Variants in EVC2 observed in about 807,000 individuals in gnomAD.
EVC2 encodes EvC ciliary complex subunit 2.
In EVC2, 148 loss-of-function variants were observed where a neutral mutation model predicts 149.3. The observed-to-expected ratio is 0.99, with a 90% CI of 0.87 to 1.14. The LOEUF (loss-of-function observed/expected upper bound fraction) is 1.14, where lower values mean the gene tolerates loss of function less well. EVC2 is among the 50% of genes most tolerant of loss of function. The pLI is 0.00. For synonymous variants in EVC2, 776 were observed against 649.9 expected, an observed-to-expected ratio of 1.19 and a Z score of -2.95; for missense variants, 1,854 against 1,627.3, an observed-to-expected ratio of 1.14 and a Z score of -2.40.
At chr4:5,539,840 C>T (rs1577084773), downstream of EVC2, among the ~76,000 whole-genome samples, 1 of 147,084 alleles carries the variant, frequency 6.8e-6, no homozygotes, top group Non-Finnish European at 1.5e-5. Flanking sequence ...ATTTCTTAGA[C>T]ACCAAAGCAA....
rs200157468 is a variant in EVC2, at chr4:5,562,833, G to A, written c.*15C>T. 3.7e-6 allele frequency: 6 copies of A among 1,613,432 alleles called. No individual in the cohort carries two copies. The highest frequency in any genetic ancestry group is 5.1e-6 in the Non-Finnish European group (6 of 1,180,042). ...CCTTCTCTCTTCAGATGCTCCCGCA[G>A]GTCTTTCCCTTGGGCTAGTCCATGC... On this transcript the variant is annotated 3_prime_UTR_variant, in exon 22 of 22. Coordinates refer to ENST00000344408, the MANE Select transcript of EVC2 (RefSeq NM_147127.5). This position sits in a 1 kb window ranked among gnomAD's most constrained non-coding sequence, Gnocchi z 4.3.
rs1722906470 is a variant in EVC2 at position 5,576,120 on chromosome 4, G to A, written c.3272+120C>T. ...GCAGCTCGTGTTGGAGCAATGGGATGACACCTTAGGCAAGAGGGTGAGAGC... is the reference window on the plus strand; with the variant it reads ...GCAGCTCGTGTTGGAGCAATGGGATAACACCTTAGGCAAGAGGGTGAGAGC... On this transcript the variant is annotated intron_variant, in intron 18 of 21. Coordinates refer to ENST00000344408, the MANE Select transcript of EVC2 (RefSeq NM_147127.5). The surrounding 1 kb of genome is among the most constrained non-coding windows in gnomAD (Gnocchi z 4.5). 2.0e-6 allele frequency: 3 copies of A among 1,529,406 alleles called. No homozygotes were observed. Among genetic ancestry groups the A allele is most frequent in the South Asian group, 2.3e-5 (2 of 87,664 alleles). 94.7% of individuals were successfully genotyped at this position (1,529,406 alleles called of 1,614,324 possible).
intron 19 of EVC2, among the ~76,000 whole-genome samples, chr4:5,570,452 A>G (rs576347606): frequency 1.3e-5 from 2 of 152,326 alleles, no homozygotes; most frequent in African/African-American, 4.8e-5. Context: ...CACAAAAAGC[A>G]TTCACATGGG....
chr4:5,654,821 A>G (rs1718400306), intron 9 of EVC2, among the ~76,000 whole-genome samples: 1 of 152,168 alleles, frequency 6.6e-6, no homozygotes, highest in Non-Finnish European at 1.5e-5. Flanking sequence ...AGCAGTTGGG[A>G]ACAGAGTGAG....
In EVC2 at chr4:5,613,653, C is replaced by T. The variant is rs1715022732; in HGVS notation, c.2829+1769G>A. On this transcript the variant is annotated intron_variant, in intron 16 of 21. Transcript: ENST00000344408. The surrounding 1 kb of genome is among the most constrained non-coding windows in gnomAD (Gnocchi z 4.6). Reference sequence around the variant, plus strand: ...CCCCCCACAAGGAACCCCCTAGTGACACTGTGATTGCTTGATGGAGTTTGT... The same window carrying T: ...CCCCCCACAAGGAACCCCCTAGTGATACTGTGATTGCTTGATGGAGTTTGT... Among the ~76,000 whole-genome samples the T allele has an allele frequency of 6.7e-6, 1 of 150,172 alleles. No individual in the cohort carries two copies. The highest frequency in any genetic ancestry group is 1.5e-5 in the Non-Finnish European group (1 of 67,954).
rs570806400 is a variant in EVC2 at position 5,670,595 on chromosome 4, A to C, written c.871-4946T>G. ...ACCACCATCACTATCAACATCATCA[A>C]TATCACCATCACCATCATCTTCACC... is the stretch of plus-strand genomic sequence containing the variant. On this transcript the variant is annotated intron_variant, in intron 7 of 21. Coordinates refer to ENST00000344408, the MANE Select transcript of EVC2 (RefSeq NM_147127.5). The surrounding 1 kb of genome is among the most constrained non-coding windows in gnomAD (Gnocchi z 5.2). Among the ~76,000 whole-genome samples the C allele has an allele frequency of 1.3e-5, 2 of 150,246 alleles. No homozygotes were observed. The highest frequency in any genetic ancestry group is 4.9e-5 in the African/African-American group (2 of 40,704).
At position 5,548,807 on chromosome 4, in the gene EVC2, T is replaced by C. The variant is rs1251025367; in HGVS notation, c.3420-5595A>G. Among the ~76,000 whole-genome samples the C allele has an allele frequency of 2.6e-5, 4 of 152,162 alleles. No homozygotes were observed. The East Asian group carries it at 7.7e-4, about 29-fold the overall frequency. ...GATTCATTTACACAAATTTGGAAGC[T>C]ACAGAAGGCACAAAGGAAAAATAAA... On this transcript the variant is annotated intron_variant and NMD_transcript_variant, in intron 21 of 22. Coordinates refer to the EVC2 transcript ENST00000475313.
chr4:5,661,413 C>T (rs897172810), intron 9 of EVC2, among the ~76,000 whole-genome samples: 3 of 152,148 alleles, frequency 2.0e-5, no homozygotes, highest in African/African-American at 7.2e-5. Context: ...GTCTTCTCAA[C>T]TTCCTATACA....
In EVC2 at chr4:5,640,547, T is replaced by C. The variant is rs13131655; in HGVS notation, c.1437A>G (p.Glu479=). 328,405 of 1,613,854 alleles carry C rather than the reference T, an allele frequency of 0.2. 38,314 individuals carry two copies. The highest frequency in any genetic ancestry group is 0.48 in the African/African-American group (36,078 of 74,872). ...CAGCACGTTTCAGCAACTCTTCTGC[T>C]TCCTCCATTGCCATCATCTCTCTCT... ...QYQREMMAME[E]AEELLKRAGE... is the part of the protein sequence containing the mutation. Residue 479 remains glutamate, a synonymous_variant, in exon 10 of 22, where the codon GAA becomes GAG. Transcript: ENST00000344408. The surrounding 1 kb of genome is among the most constrained non-coding windows in gnomAD (Gnocchi z 4.6).
In EVC2 at chr4:5,622,965, C is replaced by G. The variant is rs765197478; in HGVS notation, c.2073G>C (p.Ala691=). Reference sequence around the variant, plus strand: ...CCGTTCGGAAGGCCTCGCCGACGGACGCCTGCTCCCTACGCTGCTCCCTGT... The same window carrying G: ...CCGTTCGGAAGGCCTCGCCGACGGAGGCCTGCTCCCTACGCTGCTCCCTGT... ...QKHREQRREQ[A]SVGEAFRTVE... The change falls in exon 14 of 22, where the codon GCG becomes GCC. Residue 691 remains alanine, a synonymous_variant. Transcript: ENST00000344408. This position sits in a 1 kb window ranked among gnomAD's most constrained non-coding sequence, Gnocchi z 5.8. 6.2e-7 allele frequency: 1 copy of G among 1,614,076 alleles called. No homozygotes were observed.
intron 13 of EVC2, among the ~76,000 whole-genome samples, chr4:5,624,100 G>C (rs1288895579): frequency 6.6e-6 from 1 of 152,174 alleles, no homozygotes; most frequent in Non-Finnish European, 1.5e-5. Context: ...TGAGACCTAA[G>C]GAAGGAGGTC....
Position 5,706,353 on chromosome 4 carries a change from G to C in EVC2, c.228+1933C>G, listed in dbSNP as rs200810721. ...AGATAGATAGATACATAGATAGATA[G>C]ACACATAGATAGATACATAGATAGA... On this transcript the variant is annotated intron_variant, in intron 1 of 21. Coordinates refer to ENST00000344408, the MANE Select transcript of EVC2 (RefSeq NM_147127.5). 3.5e-4 allele frequency among the ~76,000 whole-genome samples: 5 copies of C among 14,118 alleles called. 1 individual carries two copies. The highest frequency in any genetic ancestry group is 4.6e-3 in the South Asian group (2 of 432). 9.3% of individuals were successfully genotyped at this position (14,118 alleles called of 152,430 possible). A position where few individuals can be genotyped will look rare whatever the true frequency, so the allele number is the denominator to read the frequency against.
the EVC2 span, among the ~76,000 whole-genome samples, chr4:5,536,991 AAC>A: frequency 6.6e-6 from 1 of 152,212 alleles, no homozygotes; most frequent in Non-Finnish European, 1.5e-5. Context: ...ACTGTCAACA[AAC>A]ACATAGTAAT....
chr4:5,619,413 C>G (rs1324368191), intron 14 of EVC2, among the ~76,000 whole-genome samples: 1 of 152,046 alleles, frequency 6.6e-6, no homozygotes, highest in Non-Finnish European at 1.5e-5. Context: ...GACATGGAGG[C>G]AGAGATTGGG....
Position 5,565,331 on chromosome 4 carries a change from C to A in EVC2, c.3586G>T (p.Asp1196Tyr). The change falls in exon 21 of 22, where the codon GAT (aspartate) becomes TAT (tyrosine). Residue 1196 changes from aspartate to tyrosine, a missense_variant. By Grantham distance (160) the Asp-to-Tyr change is radical. Coordinates refer to ENST00000344408, the MANE Select transcript of EVC2 (RefSeq NM_147127.5). The stretch of plus-strand genomic sequence containing the variant: ...ATCAGATCTCCTCGCAGTTTGCCAT[C>A]TAAGGCTTGCCACCAGCTCTGGTGT... ...RKHQSWWQAL[D>Y]GKLRGDLISR... 6.2e-7 allele frequency: 1 copy of A among 1,614,120 alleles called. No homozygotes were observed. Among genetic ancestry groups the A allele is most frequent in the Non-Finnish European group, 8.5e-7 (1 of 1,180,010 alleles).
At chr4:5,606,155 A>G (rs1008397339) in intron 16 of EVC2, among the ~76,000 whole-genome samples, 1 of 152,208 alleles carries the variant, frequency 6.6e-6, no homozygotes, top group Admixed American at 6.5e-5. Flanking sequence ...ATTTTACTTC[A>G]AAACATCTGA....
chr4:5,561,290 T>C (rs1269321217), downstream of EVC2, among the ~76,000 whole-genome samples: 2 of 152,118 alleles, frequency 1.3e-5, no homozygotes, highest in East Asian at 3.9e-4. Context: ...TGGAGCAGGA[T>C]TTGAACTCCA....
intron 16 of EVC2, among the ~76,000 whole-genome samples, chr4:5,611,643 C>G (rs750405721): frequency 6.6e-6 from 1 of 151,700 alleles, no homozygotes; most frequent in Non-Finnish European, 1.5e-5. Context: ...ATATAAAGCA[C>G]TGAAAATGTC....
At position 5,625,989 on chromosome 4, in the gene EVC2, T is replaced by A. The variant is rs1412148404; in HGVS notation, c.1887-81A>T. Reference sequence around the variant, plus strand: ...AACTGCTATTGTGCCTGAACATTCATCTCCATATTAGTTTGGTTTGAATCA... The same window carrying A: ...AACTGCTATTGTGCCTGAACATTCAACTCCATATTAGTTTGGTTTGAATCA... On this transcript the variant is annotated intron_variant, in intron 12 of 21. Coordinates refer to ENST00000344408, the MANE Select transcript of EVC2 (RefSeq NM_147127.5). The surrounding 1 kb of genome is among the most constrained non-coding windows in gnomAD (Gnocchi z 4.0). The A allele has an allele frequency of 6.5e-7, 1 of 1,542,914 alleles. No homozygotes were observed. The highest frequency in any genetic ancestry group is 8.9e-7 in the Non-Finnish European group (1 of 1,121,576).
Sources: allele counts gnomAD v4.1 joint callset (sites outside exome capture counted in the v4.1 genomes callset), GRCh38; gene constraint gnomAD v4.1.1; non-coding constraint Gnocchi (gnomAD v3.1); transcripts MANE v1.5; gene names NCBI Gene and HGNC (gene_info 2026-07-23, HGNC 2026-07-21).